Variants in TENM2 observed in about 807,000 individuals in gnomAD.
TENM2 encodes the protein teneurin-2.
A neutral mutation model predicts 245.2 loss-of-function variants in TENM2; 52 were observed. That is an observed-to-expected ratio of 0.21 (90% CI 0.17 to 0.27). The LOEUF (loss-of-function observed/expected upper bound fraction) is 0.27. Among genes scored for constraint, TENM2 ranks in the 10% least tolerant of loss-of-function variants. The pLI is 1.00. For missense variants in TENM2, 3,046 were observed against 3,666.8 expected, an observed-to-expected ratio of 0.83 and a Z score of 4.37; for synonymous variants, 1,363 against 1,438.9, an observed-to-expected ratio of 0.95 and a Z score of 1.19.
In TENM2 at chr5:167,877,329, T is replaced by C. The variant is rs188875959; in HGVS notation, c.712+1134T>C. Among the ~76,000 whole-genome samples the C allele has an allele frequency of 1.8e-3, 276 of 152,354 alleles. 2 individuals carry two copies. The highest frequency in any genetic ancestry group is 6.8e-3 in the Middle Eastern group (2 of 294). ...TTCTGGAAATGGAATGATGGACTGC[T>C]ACTTAGGATGGCCCATGCCCTTCTT... On this transcript the variant is annotated intron_variant, in intron 3 of 28. Transcript: ENST00000518659.
intron 1 of TENM2, among the ~76,000 whole-genome samples, chr5:167,316,560 C>A (rs1756375296): frequency 6.6e-6 from 1 of 152,144 alleles, no homozygotes; most frequent in Admixed American, 6.6e-5. Context: ...AGTATCCATA[C>A]ATGTTTACTT....
At chr5:167,622,917 A>T (rs1168004938) in intron 2 of TENM2, among the ~76,000 whole-genome samples, 1 of 152,070 alleles carries the variant, frequency 6.6e-6, no homozygotes, top group African/African-American at 2.4e-5. Flanking sequence ...TTGTGTTATT[A>T]TCAGTTTGTT....
the TENM2 span, among the ~76,000 whole-genome samples, chr5:167,101,907 T>C: frequency 1.7e-5 from 2 of 120,758 alleles, no homozygotes; most frequent in African/African-American, 5.9e-5. Context: ...ATAATATATA[T>C]ACACACATAT....
intron 2 of TENM2, among the ~76,000 whole-genome samples, chr5:167,658,593 C>T (rs1187289416): frequency 1.3e-5 from 2 of 152,098 alleles, no homozygotes; most frequent in Non-Finnish European, 2.9e-5. Flanking sequence ...AGTTTCAACC[C>T]ATGACTTTTG....
intron 1 of TENM2, among the ~76,000 whole-genome samples, chr5:167,374,460 A>T (rs1309652032): frequency 6.6e-6 from 1 of 152,202 alleles, no homozygotes; most frequent in Non-Finnish European, 1.5e-5. Flanking sequence ...TTTATTAAAA[A>T]CGACTAGTTT....
rs945512972 is a variant in TENM2 at position 167,870,549 on chromosome 5, G to T, written c.503-5437G>T. Among the ~76,000 whole-genome samples, 36 of 123,942 alleles carry T rather than the reference G, an allele frequency of 2.9e-4. 1 individual carries two copies. The highest frequency in any genetic ancestry group is 1.2e-3 in the African/African-American group (32 of 26,408). The allele number at this position is 123,942 out of a possible 152,430, so 81.3% of individuals were successfully genotyped here. On this transcript the variant is annotated intron_variant, in intron 2 of 28. Coordinates refer to ENST00000518659, the Ensembl canonical transcript of TENM2. Reference sequence around the variant, plus strand: ...AAAGTACTGAATGTTAAAAGAATGTGTATACATATATATATATATATGTGT... The same window carrying T: ...AAAGTACTGAATGTTAAAAGAATGTTTATACATATATATATATATATGTGT...
At chr5:167,446,566 C>T (rs1271794016) in intron 2 of TENM2, among the ~76,000 whole-genome samples, 4 of 152,130 alleles carry the variant, frequency 2.6e-5, no homozygotes, top group African/African-American at 9.7e-5. Context: ...CAGAAAACTA[C>T]CTTCACTTTG....
At chr5:167,094,312 C>T in the TENM2 span, among the ~76,000 whole-genome samples, 1 of 152,116 alleles carries the variant, frequency 6.6e-6, no homozygotes, top group Admixed American at 6.5e-5. Flanking sequence ...TGCCTGTGCC[C>T]CCCACTGTAA....
the TENM2 span, among the ~76,000 whole-genome samples, chr5:167,087,366 C>T: frequency 2.5e-4 from 38 of 152,290 alleles, no homozygotes; most frequent in Admixed American, 1.3e-3. Flanking sequence ...GTTCACAAGA[C>T]GGGTGGCCAT....
At chr5:167,027,273 A>G in the TENM2 span, among the ~76,000 whole-genome samples, 1 of 152,192 alleles carries the variant, frequency 6.6e-6, no homozygotes, top group African/African-American at 2.4e-5. Context: ...TGAAATAAAA[A>G]TATTTTCAGA....
chr5:167,421,729 G>C (rs10475843), intron 2 of TENM2, among the ~76,000 whole-genome samples: 53,467 of 152,062 alleles, frequency 0.35, 9,923 homozygotes, highest in East Asian at 0.48. Context: ...AGATTCTTGT[G>C]AATATAACAT....
At chr5:167,976,734 T>C (rs1345784532) in intron 4 of TENM2, among the ~76,000 whole-genome samples, 2 of 152,232 alleles carry the variant, frequency 1.3e-5, no homozygotes, top group African/African-American at 4.8e-5. Flanking sequence ...TTGGGCTTGG[T>C]ACATAAGTAC....
the TENM2 span, among the ~76,000 whole-genome samples, chr5:167,053,522 T>C: frequency 1.3e-5 from 2 of 152,146 alleles, no homozygotes; most frequent in African/African-American, 2.4e-5. Context: ...TAACTCCAAA[T>C]TATCAGCCGT....
chr5:167,982,521 C>A (rs1161047728), intron 4 of TENM2, among the ~76,000 whole-genome samples: 2 of 152,116 alleles, frequency 1.3e-5, no homozygotes, highest in Non-Finnish European at 2.9e-5. Context: ...GGATTGTATT[C>A]CTGTTCTTTT....
chr5:167,714,485 C>G (rs1759123159), intron 2 of TENM2, among the ~76,000 whole-genome samples: 2 of 152,236 alleles, frequency 1.3e-5, no homozygotes, highest in African/African-American at 4.8e-5. Flanking sequence ...CATCTCTTAG[C>G]TGAATTACCC....
intron 2 of TENM2, among the ~76,000 whole-genome samples, chr5:167,546,017 C>T (rs1408579060): frequency 6.6e-6 from 1 of 152,154 alleles, no homozygotes; most frequent in Non-Finnish European, 1.5e-5. Flanking sequence ...ACATATGAAG[C>T]AGCTCATTCA....
intron 8 of TENM2, among the ~76,000 whole-genome samples, chr5:168,096,256 A>G (rs1384792996): frequency 6.6e-6 from 1 of 152,230 alleles, no homozygotes; most frequent in East Asian, 1.9e-4. Context: ...ATGATCTCCC[A>G]GCACCGTGTG....
At chr5:167,196,135 A>G in the TENM2 span, among the ~76,000 whole-genome samples, 7 of 152,188 alleles carry the variant, frequency 4.6e-5, no homozygotes, top group Non-Finnish European at 1.0e-4. Flanking sequence ...CTCCTAGGCT[A>G]TAGATCTGTA....
chr5:167,081,793 C>T, the TENM2 span, among the ~76,000 whole-genome samples: 20 of 152,320 alleles, frequency 1.3e-4, no homozygotes, highest in Admixed American at 4.6e-4. Flanking sequence ...CAACCTTACA[C>T]GGCTAGTGAA....
Sources: gnomAD v4.1 joint callset for allele counts (sites outside exome capture counted in the v4.1 genomes callset) on GRCh38, gnomAD v4.1.1 for gene constraint, MANE v1.5 for transcripts, NCBI Gene and HGNC (gene_info 2026-07-23, HGNC 2026-07-21) for gene names.